The following KIAA1217 variants were observed in gnomAD, a reference collection of about 807,000 sequenced individuals.
KIAA1217 encodes sickle tail protein homolog.
Under a neutral mutation model 163.9 loss-of-function variants are expected in KIAA1217, and 88 were observed. The observed-to-expected ratio is 0.54, with a 90% CI of 0.45 to 0.64. KIAA1217 has a LOEUF of 0.64. Among genes scored for constraint, KIAA1217 ranks in the 30% least tolerant of loss-of-function variants. The probability of loss-of-function intolerance (pLI) is 0.00; values close to 1 mark genes in which losing one functional copy is unlikely to be tolerated. For missense variants in KIAA1217, 2,372 were observed against 2,475.0 expected, an observed-to-expected ratio of 0.96 and a Z score of 0.88; for synonymous variants, 903 against 923.1, an observed-to-expected ratio of 0.98 and a Z score of 0.39.
upstream of KIAA1217, chr10:24,209,085 G>T: frequency 1.2e-6 from 1 of 862,800 alleles, no homozygotes. Flanking sequence ...GTTTCGCACC[G>T]TCCCCTCCTC....
chr10:24,037,607 T>A (rs983921571), intron 2 of KIAA1217, among the ~76,000 whole-genome samples: 5 of 152,238 alleles, frequency 3.3e-5, no homozygotes, highest in African/African-American at 1.2e-4. Flanking sequence ...CTGGAGTAGA[T>A]GGGCAAGTTG....
intron 1 of KIAA1217, among the ~76,000 whole-genome samples, chr10:23,741,743 C>A (rs1235711083): frequency 6.6e-6 from 1 of 152,172 alleles, no homozygotes; most frequent in East Asian, 1.9e-4. Flanking sequence ...GTGGGAGAGC[C>A]AAACATCAAA....
chr10:24,247,602 C>A (rs920533501), intron 2 of KIAA1217, among the ~76,000 whole-genome samples: 8 of 152,170 alleles, frequency 5.3e-5, no homozygotes, highest in African/African-American at 1.9e-4. Flanking sequence ...TCGAAACCAT[C>A]CTGGCTAACA....
chr10:24,505,815 T>G (rs765358317), intron 9 of KIAA1217, among the ~76,000 whole-genome samples: 20 of 152,258 alleles, frequency 1.3e-4, no homozygotes, highest in Admixed American at 9.2e-4. Flanking sequence ...CAGTAGTGCA[T>G]AGAGCCCTAT....
chr10:24,273,106 G>A (rs1282013568), intron 2 of KIAA1217, among the ~76,000 whole-genome samples: 1 of 152,206 alleles, frequency 6.6e-6, no homozygotes, highest in Non-Finnish European at 1.5e-5. Flanking sequence ...ATATGAGAGA[G>A]AGAAAAGATG....
intron 2 of KIAA1217, among the ~76,000 whole-genome samples, chr10:24,306,009 C>T (rs1346118931): frequency 2.0e-5 from 3 of 151,980 alleles, no homozygotes; most frequent in Admixed American, 1.3e-4. Flanking sequence ...TTACTATTGA[C>T]GTCAGAGTTA....
At chr10:24,456,959 C>G (rs923372111) in intron 5 of KIAA1217, among the ~76,000 whole-genome samples, 1 of 151,986 alleles carries the variant, frequency 6.6e-6, no homozygotes, top group Admixed American at 6.6e-5. Flanking sequence ...GCCTGGGCCT[C>G]CCGAAGTGCT....
chr10:24,085,002 C>T (rs1362825965), intron 2 of KIAA1217, among the ~76,000 whole-genome samples: 2 of 151,114 alleles, frequency 1.3e-5, no homozygotes, highest in African/African-American at 4.9e-5. Flanking sequence ...CAAGCTCTGC[C>T]TCCCGGGTTC....
At chr10:24,134,185 A>C (rs2063754239) in intron 2 of KIAA1217, among the ~76,000 whole-genome samples, 1 of 152,190 alleles carries the variant, frequency 6.6e-6, no homozygotes, top group African/African-American at 2.4e-5. Flanking sequence ...CTTAAAGATA[A>C]AGGGATTTAG....
intron 1 of KIAA1217, among the ~76,000 whole-genome samples, chr10:23,789,822 T>C (rs1835655423): frequency 6.6e-6 from 1 of 151,698 alleles, no homozygotes; most frequent in Admixed American, 6.6e-5. Flanking sequence ...TCATAGGTGA[T>C]ATTTGTAGTA....
rs1230245985 is a variant in KIAA1217, at chr10:24,257,333, C to T, written c.354+37424C>T. ...AGCTTATTCCTGAGAAAGGATGGAA[C>T]GGCGTGGGGGGTGGAGGGAGGGTTG... On this transcript the variant is annotated intron_variant, in intron 2 of 20. Transcript: ENST00000376454. Among the ~76,000 whole-genome samples the T allele has an allele frequency of 5.3e-5, 8 of 152,188 alleles. No individual in the cohort carries two copies. In the East Asian group the frequency reaches 5.8e-4, roughly 11 times the overall value.
intron 1 of KIAA1217, among the ~76,000 whole-genome samples, chr10:23,737,593 T>A (rs1021347007): frequency 6.6e-6 from 1 of 152,102 alleles, no homozygotes; most frequent in Admixed American, 6.5e-5. Flanking sequence ...TTTCTATCAG[T>A]TTAATATGGA....
intron 1 of KIAA1217, among the ~76,000 whole-genome samples, chr10:23,699,691 C>T (rs1836297657): frequency 6.6e-6 from 1 of 152,138 alleles, no homozygotes; most frequent in South Asian, 2.1e-4. Context: ...CCATTTCAAT[C>T]ATAGCTCACT....
intron 1 of KIAA1217, among the ~76,000 whole-genome samples, chr10:24,216,365 G>GAC (rs2068819205): frequency 6.6e-6 from 1 of 152,192 alleles, no homozygotes; most frequent in East Asian, 1.9e-4. Flanking sequence ...GACATGCATG[G>GAC]ATGTTTATCT....
intron 2 of KIAA1217, among the ~76,000 whole-genome samples, chr10:24,336,929 T>C (rs2046418404): frequency 6.6e-6 from 1 of 152,120 alleles, no homozygotes; most frequent in African/African-American, 2.4e-5. Flanking sequence ...ATCAAACATC[T>C]AAATATAAGA....
rs189466328 is a variant in KIAA1217 at position 23,998,416 on chromosome 10, C to G, written c.-320-8809C>G. On this transcript the variant is annotated intron_variant, in intron 1 of 18. Coordinates refer to the KIAA1217 transcript ENST00000376462. ...CCCCAAGAGAACAAATTTCCAGGAC[C>G]CTGTTTCTCGTTCCTGCCTCTCTCT... 5.9e-5 allele frequency among the ~76,000 whole-genome samples: 9 copies of G among 152,322 alleles called. No individual in the cohort carries two copies. The South Asian group carries it at 8.3e-4, about 14-fold the overall frequency.
At chr10:24,488,026 G>A (rs968671136) in intron 6 of KIAA1217, among the ~76,000 whole-genome samples, 1 of 152,200 alleles carries the variant, frequency 6.6e-6, no homozygotes, top group Non-Finnish European at 1.5e-5. Flanking sequence ...AGACTGTTCA[G>A]ACAGTATCGA....
At chr10:24,028,356 G>A (rs550714125) in intron 2 of KIAA1217, among the ~76,000 whole-genome samples, 1 of 152,072 alleles carries the variant, frequency 6.6e-6, no homozygotes, top group African/African-American at 2.4e-5. Flanking sequence ...ACCATAAAAA[G>A]TGAAAATGAA....
chr10:24,034,355 T>A (rs1471005068), intron 2 of KIAA1217, among the ~76,000 whole-genome samples: 1 of 151,120 alleles, frequency 6.6e-6, no homozygotes, highest in African/African-American at 2.4e-5. Context: ...AGCCCAGGAG[T>A]TCCAGACCAG....
Sources: gnomAD v4.1 joint callset for allele counts (sites outside exome capture counted in the v4.1 genomes callset) on GRCh38, gnomAD v4.1.1 for gene constraint, MANE v1.5 for transcripts, NCBI Gene and HGNC (gene_info 2026-07-23, HGNC 2026-07-21) for gene names.